The following KIF6 variants were observed in gnomAD, a reference collection of about 807,000 sequenced individuals.
KIF6 encodes kinesin-like protein KIF6.
KIF6 carries 106 observed loss-of-function variants against 112.7 expected under a neutral mutation model. The observed-to-expected ratio is 0.94, with a 90% CI of 0.80 to 1.11. The LOEUF (loss-of-function observed/expected upper bound fraction) is 1.11, where lower values mean the gene tolerates loss of function less well. Ranked by LOEUF, KIF6 falls within the 50% of genes least tolerant of loss-of-function variation. The pLI is 0.00. For missense variants in KIF6, 929 were observed against 964.0 expected, an observed-to-expected ratio of 0.96 and a Z score of 0.48; for synonymous variants, 339 against 339.9, an observed-to-expected ratio of 1.00 and a Z score of 0.03.
intron 5 of KIF6, among the ~76,000 whole-genome samples, chr6:39,615,389 C>A (rs1300299888): frequency 6.6e-6 from 1 of 152,148 alleles, no homozygotes; most frequent in Admixed American, 6.6e-5. Context: ...GTGGTGCATA[C>A]ACTCATTGGG....
At chr6:39,634,341 G>C (rs934572510) in intron 5 of KIF6, among the ~76,000 whole-genome samples, 10 of 152,090 alleles carry the variant, frequency 6.6e-5, no homozygotes, top group African/African-American at 2.4e-4. Context: ...TTAAATTTCA[G>C]TCATGAAACA....
intron 3 of KIF6, among the ~76,000 whole-genome samples, chr6:39,684,202 T>C (rs1207942752): frequency 6.6e-6 from 1 of 152,086 alleles, no homozygotes; most frequent in East Asian, 1.9e-4. Context: ...CAGTATGATG[T>C]TATGAAAATT....
chr6:39,679,950 T>A (rs1356248425), intron 3 of KIF6, among the ~76,000 whole-genome samples: 1 of 151,230 alleles, frequency 6.6e-6, no homozygotes, highest in Non-Finnish European at 1.5e-5. Flanking sequence ...GAAGCTGTTA[T>A]AACCTAACAG....
At chr6:39,490,409 C>G (rs112429408) in intron 13 of KIF6, among the ~76,000 whole-genome samples, 1 of 152,092 alleles carries the variant, frequency 6.6e-6, no homozygotes, top group Non-Finnish European at 1.5e-5. Flanking sequence ...AGGAATGCTA[C>G]CGGGGAAAAA....
At chr6:39,659,899 G>T (rs2150809390) in intron 3 of KIF6, among the ~76,000 whole-genome samples, 1 of 152,258 alleles carries the variant, frequency 6.6e-6, no homozygotes, top group Admixed American at 6.5e-5. Flanking sequence ...ATTTCACTTT[G>T]AATGATTTAC....
At chr6:39,429,646 A>G (rs139703490) in intron 14 of KIF6, among the ~76,000 whole-genome samples, 2 of 152,202 alleles carry the variant, frequency 1.3e-5, no homozygotes, top group Admixed American at 6.5e-5. Flanking sequence ...GCAGTGGCTC[A>G]TGCCTGTAAT....
intron 15 of KIF6, among the ~76,000 whole-genome samples, chr6:39,403,459 G>A (rs769593688): frequency 1.3e-5 from 2 of 152,176 alleles, no homozygotes; most frequent in Non-Finnish European, 2.9e-5. Context: ...ATGCCTTTGA[G>A]AGTCACTCAT....
chr6:39,694,807 G>GA (rs1582466812), intron 3 of KIF6, among the ~76,000 whole-genome samples: 1 of 152,018 alleles, frequency 6.6e-6, no homozygotes, highest in East Asian at 1.9e-4. Context: ...CACAGATTTA[G>GA]AAAAAAACTA....
At chr6:39,720,865 C>G (rs111453873) in intron 1 of KIF6, 54 bp from the exon 2 acceptor site, 1 of 792,156 alleles carries the variant, frequency 1.3e-6, no homozygotes, top group Middle Eastern at 2.4e-4. Context: ...ATGGCTTGAA[C>G]TATCACCATG....
intron 13 of KIF6, among the ~76,000 whole-genome samples, chr6:39,438,133 C>T (rs919404349): frequency 1.4e-4 from 21 of 152,120 alleles, no homozygotes; most frequent in African/African-American, 3.4e-4. Flanking sequence ...CCACCACGCT[C>T]GGCTAACTTT....
At chr6:39,473,664 G>A (rs1382270178) in intron 13 of KIF6, among the ~76,000 whole-genome samples, 2 of 152,064 alleles carry the variant, frequency 1.3e-5, no homozygotes, top group Non-Finnish European at 2.9e-5. Flanking sequence ...TGGAGGCAGG[G>A]GGCTGTTTTT....
At chr6:39,660,620 T>A (rs569245512) in intron 3 of KIF6, among the ~76,000 whole-genome samples, 1 of 152,090 alleles carries the variant, frequency 6.6e-6, no homozygotes, top group East Asian at 1.9e-4. Flanking sequence ...AAAGCTAAAT[T>A]TTTTTTTGAG....
chr6:39,451,482 G>A (rs1256010605), intron 13 of KIF6, among the ~76,000 whole-genome samples: 1 of 152,198 alleles, frequency 6.6e-6, no homozygotes, highest in Admixed American at 6.5e-5. Context: ...TTCACTGACA[G>A]CAGTTCTAGA....
At chr6:39,521,111 A>G (rs1395852916) in intron 13 of KIF6, among the ~76,000 whole-genome samples, 1 of 152,210 alleles carries the variant, frequency 6.6e-6, no homozygotes, top group Non-Finnish European at 1.5e-5. Context: ...GGAATTCTCA[A>G]ACTCCAGGGT....
At chr6:39,340,502 G>A (rs1355314102) in intron 22 of KIF6, among the ~76,000 whole-genome samples, 6 of 152,184 alleles carry the variant, frequency 3.9e-5, no homozygotes, top group Non-Finnish European at 8.8e-5. Flanking sequence ...TTTATCAGCT[G>A]TGTAACCTTG....
chr6:39,540,279 A>G (rs948333004), intron 12 of KIF6, 58 bp from the exon 13 acceptor site: 65 of 1,082,924 alleles, frequency 6.0e-5, no homozygotes, highest in Non-Finnish European at 8.1e-5. Context: ...TCAAAACACA[A>G]ATGTCCTAAG....
intron 19 of KIF6, among the ~76,000 whole-genome samples, chr6:39,349,367 G>T (rs548220000): frequency 1.8e-4 from 28 of 152,186 alleles, no homozygotes; most frequent in African/African-American, 6.7e-4. Flanking sequence ...GGCTGGCAGC[G>T]GCATGATCAA....
intron 3 of KIF6, among the ~76,000 whole-genome samples, chr6:39,689,444 C>A (rs767085429): frequency 2.0e-5 from 3 of 151,768 alleles, no homozygotes; most frequent in Non-Finnish European, 4.4e-5. Context: ...CTGCAATGAG[C>A]CCTGGTCACA....
chr6:39,607,241 T>C (rs972492336), intron 6 of KIF6, among the ~76,000 whole-genome samples: 4 of 152,190 alleles, frequency 2.6e-5, no homozygotes, highest in African/African-American at 9.6e-5. Context: ...AAAATTCTAA[T>C]AATAGCTGTT....
Sources: allele counts gnomAD v4.1 joint callset (sites outside exome capture counted in the v4.1 genomes callset), GRCh38; gene constraint gnomAD v4.1.1; transcripts MANE v1.5; gene names NCBI Gene and HGNC (gene_info 2026-07-23, HGNC 2026-07-21).